NTRK3: variants seen among roughly 807,000 people sequenced by gnomAD.
NTRK3 encodes neurotrophic receptor tyrosine kinase 3, also known as NT-3 growth factor receptor.
In NTRK3, 24 loss-of-function variants were observed where a neutral mutation model predicts 91.7. That is an observed-to-expected ratio of 0.26 (90% CI 0.19 to 0.37). The LOEUF (loss-of-function observed/expected upper bound fraction) is 0.37. Ranked by LOEUF, NTRK3 falls within the 10% of genes least tolerant of loss-of-function variation. The pLI, the probability that NTRK3 is intolerant of heterozygous loss-of-function variation, is 1.00. For missense variants in NTRK3, 880 were observed against 1,068.9 expected (o/e 0.82, Z 2.46); for synonymous variants, 483 against 404.0 (o/e 1.20, Z -2.34).
At chr15:88,250,713 T>A (rs1364306536) in intron 3 of NTRK3, among the ~76,000 whole-genome samples, 2 of 152,148 alleles carry the variant, frequency 1.3e-5, no homozygotes, top group Non-Finnish European at 2.9e-5. Context: ...CACCACCCTG[T>A]CTCCTTCTCA....
chr15:88,016,956 TAA>T (rs67163869), intron 14 of NTRK3, among the ~76,000 whole-genome samples: 4,023 of 84,286 alleles, frequency 0.048, 69 homozygotes, highest in African/African-American at 0.085. Context: ...AGACGAAGCT[TAA>T]AAAAAAAAAA....
At chr15:87,981,158 T>C (rs1163690246) in intron 14 of NTRK3, 5 of 1,550,910 alleles carry the variant, frequency 3.2e-6, no homozygotes, top group Admixed American at 3.9e-5. Flanking sequence ...TCTTAAGGTC[T>C]TAAGAACCAA....
rs2051888130 is a variant in NTRK3 at position 88,237,408 on chromosome 15, C to A, written c.248+18498G>T. On this transcript the variant is annotated intron_variant, in intron 3 of 18. Transcript: ENST00000394480. The surrounding 1 kb of genome is among the most constrained non-coding windows in gnomAD (Gnocchi z 4.0). Reference sequence around the variant, plus strand: ...TTACTGCTAAACCACATCCCCAGAGCTGAAGGTCCCAGCCCGTTGTCATTG... The same window carrying A: ...TTACTGCTAAACCACATCCCCAGAGATGAAGGTCCCAGCCCGTTGTCATTG... 1.3e-5 allele frequency among the ~76,000 whole-genome samples: 2 copies of A among 152,198 alleles called. No homozygotes were observed. Among genetic ancestry groups the A allele is most frequent in the African/African-American group, 2.4e-5 (1 of 41,444 alleles).
chr15:87,976,177 C>T (rs867079518), intron 14 of NTRK3, among the ~76,000 whole-genome samples: 25 of 152,154 alleles, frequency 1.6e-4, no homozygotes, highest in African/African-American at 5.8e-4. Flanking sequence ...CAGCCTCAAC[C>T]CTTCAGGCAT....
chr15:88,188,854 C>G (rs1454066544), intron 3 of NTRK3, among the ~76,000 whole-genome samples: 1 of 152,250 alleles, frequency 6.6e-6, no homozygotes, highest in African/African-American at 2.4e-5. Context: ...TGGCCAAGAG[C>G]CTTTTCTCTC....
intron 14 of NTRK3, among the ~76,000 whole-genome samples, chr15:87,941,770 C>G (rs2069885158): frequency 6.6e-6 from 1 of 152,234 alleles, no homozygotes; most frequent in Non-Finnish European, 1.5e-5. Context: ...GAAAGCAGAG[C>G]TGTGACCTCA....
intron 13 of NTRK3, among the ~76,000 whole-genome samples, chr15:88,122,804 C>A (rs1359125088): frequency 6.6e-6 from 1 of 152,190 alleles, no homozygotes; most frequent in African/African-American, 2.4e-5. Context: ...TCCCAATTAA[C>A]TCTAACTAGC....
At chr15:88,047,544 A>T (rs1327433775) in intron 13 of NTRK3, among the ~76,000 whole-genome samples, 1 of 152,196 alleles carries the variant, frequency 6.6e-6, no homozygotes, top group African/African-American at 2.4e-5. Context: ...TGTCTAGATC[A>T]GGTTATATTA....
At chr15:87,888,338 T>C (rs1357061465) in intron 17 of NTRK3, among the ~76,000 whole-genome samples, 2 of 152,200 alleles carry the variant, frequency 1.3e-5, no homozygotes, top group African/African-American at 4.8e-5. Flanking sequence ...ATAAAATTCC[T>C]TTTATACCCA....
chr15:88,195,384 C>T (rs1479716872), intron 3 of NTRK3, among the ~76,000 whole-genome samples: 3 of 152,150 alleles, frequency 2.0e-5, no homozygotes, highest in South Asian at 2.1e-4. Context: ...TCCAAGTTCC[C>T]GGTACATAGT....
chr15:88,201,784 T>C (rs2048325977), intron 3 of NTRK3, among the ~76,000 whole-genome samples: 1 of 152,180 alleles, frequency 6.6e-6, no homozygotes, highest in African/African-American at 2.4e-5. Flanking sequence ...GGCTTTTTCT[T>C]AATGGAAACT....
intron 16 of NTRK3, 100 bp downstream of exon 16, chr15:87,932,912 A>G (rs1344623602): frequency 7.7e-6 from 9 of 1,171,654 alleles, no homozygotes; most frequent in East Asian, 4.8e-5. Context: ...TCCTGAGAGG[A>G]AAGTGTTTAG....
intron 14 of NTRK3, among the ~76,000 whole-genome samples, chr15:87,975,257 C>T (rs16941083): frequency 0.01 from 1,542 of 152,142 alleles, 21 homozygotes; most frequent in African/African-American, 0.036. Context: ...TGTGTTAGAT[C>T]GAATTTCACC....
At chr15:88,124,051 G>A (rs1053395091) in intron 13 of NTRK3, among the ~76,000 whole-genome samples, 1 of 152,084 alleles carries the variant, frequency 6.6e-6, no homozygotes, top group Admixed American at 6.6e-5. Flanking sequence ...CGGATGGTTG[G>A]GGGGCTTAGA....
chr15:87,928,954 G>T (rs1024093612), intron 17 of NTRK3: 13 of 615,824 alleles, frequency 2.1e-5, no homozygotes, highest in Non-Finnish European at 3.7e-5. Flanking sequence ...TTATTGCAAT[G>T]TACAGATTAC....
chr15:87,957,789 T>C (rs1442062205), intron 14 of NTRK3, among the ~76,000 whole-genome samples: 1 of 152,238 alleles, frequency 6.6e-6, no homozygotes, highest in Non-Finnish European at 1.5e-5. Flanking sequence ...CAGTTCTTTG[T>C]GCTGCTGGAA....
intron 14 of NTRK3, chr15:87,977,612 G>A (rs750253680): frequency 1.7e-5 from 4 of 231,698 alleles, no homozygotes; most frequent in Non-Finnish European, 3.4e-5. Flanking sequence ...AGCATCAGCA[G>A]GGCACAATGG....
chr15:87,937,187 A>G (rs1335684389), intron 15 of NTRK3, among the ~76,000 whole-genome samples: 2 of 152,192 alleles, frequency 1.3e-5, no homozygotes, highest in Non-Finnish European at 2.9e-5. Context: ...ACCCAGGGAG[A>G]TACTACTTTC....
chr15:87,900,911 G>A (rs1428560070), intron 17 of NTRK3, among the ~76,000 whole-genome samples: 1 of 152,142 alleles, frequency 6.6e-6, no homozygotes, highest in Non-Finnish European at 1.5e-5. Flanking sequence ...AAAAGGGGAT[G>A]ATTTGGTCAA....
Sources: allele counts gnomAD v4.1 joint callset (sites outside exome capture counted in the v4.1 genomes callset), GRCh38; gene constraint gnomAD v4.1.1; non-coding constraint Gnocchi (gnomAD v3.1); transcripts MANE v1.5; gene names NCBI Gene and HGNC (gene_info 2026-07-23, HGNC 2026-07-21).